The following NSD1 variants were observed in gnomAD, a reference collection of about 807,000 sequenced individuals.
The protein encoded by NSD1 is nuclear receptor binding SET domain protein 1.
In NSD1, 26 loss-of-function variants were observed where a neutral mutation model predicts 242.7. That is an observed-to-expected ratio of 0.11 (90% CI 0.08 to 0.15). NSD1 has a LOEUF of 0.15. Ranked by LOEUF, NSD1 falls within the 10% of genes least tolerant of loss-of-function variation. The pLI is 1.00. For missense variants in NSD1, 2,495 were observed against 3,272.8 expected, an observed-to-expected ratio of 0.76 and a Z score of 5.80; for synonymous variants, 1,106 against 1,178.1, an observed-to-expected ratio of 0.94 and a Z score of 1.25.
intron 3 of NSD1, among the ~76,000 whole-genome samples, chr5:177,199,706 TCTC>T (rs1762371922): frequency 6.6e-6 from 1 of 151,972 alleles, no homozygotes; most frequent in Non-Finnish European, 1.5e-5. Context: ...TTCAAGCAAT[TCTC>T]CTGCCTCAAC....
Position 177,210,188 on chromosome 5 carries a change from G to T in NSD1, c.1789G>T (p.Ala597Ser), listed in dbSNP as rs1763221161. 1 of 1,601,352 alleles carries T rather than the reference G, an allele frequency of 6.2e-7. No individual in the cohort carries two copies. The highest frequency in any genetic ancestry group is 8.5e-7 in the Non-Finnish European group (1 of 1,174,602). The part of the protein sequence containing the change: ...GDSLLGLPEG[A>S]LISKCSREKN... ...CTCTTTATTGGGCTTGCCTGAGGGT[G>T]CTTTGATCTCAAAGTGTTCTCGAGA... is the stretch of plus-strand genomic sequence containing the variant. Residue 597 changes from alanine to serine, a missense_variant, in exon 5 of 23, where the codon GCT (alanine) becomes TCT (serine). This residue lies in a region of NSD1 where 515 missense variants were observed against 467.0 expected (regional missense o/e 1.10). Transcript: ENST00000439151.
chr5:177,284,052 C>T (rs1035656360), intron 20 of NSD1, 124 bp downstream of exon 20: 1 of 1,244,938 alleles, frequency 8.0e-7, no homozygotes, highest in Admixed American at 1.7e-5. Flanking sequence ...GAATTAAGTT[C>T]ATTTACATTT....
rs975908313 is a variant in NSD1 at position 177,211,135 on chromosome 5, G to A, written c.2736G>A (p.Met912Ile). The A allele has an allele frequency of 6.2e-7, 1 of 1,614,188 alleles. No homozygotes were observed. The highest frequency in any genetic ancestry group is 2.2e-5 in the East Asian group (1 of 44,888). ...EPDYKFSTLL[M>I]MLKDMHDSKT... ...ACTACAAATTCAGTACATTGCTAATGATGTTGAAAGATATGCATGATAGTA... is the reference window on the plus strand; with the variant it reads ...ACTACAAATTCAGTACATTGCTAATAATGTTGAAAGATATGCATGATAGTA... Residue 912 changes from methionine to isoleucine, a missense_variant, in exon 5 of 23, where the codon ATG (methionine) becomes ATA (isoleucine). This residue lies in a region of NSD1 where 121 missense variants were observed against 167.2 expected (regional missense o/e 0.72). Coordinates refer to ENST00000439151, the MANE Select transcript of NSD1 (RefSeq NM_022455.5).
intron 5 of NSD1, among the ~76,000 whole-genome samples, chr5:177,232,841 AAGTC>A (rs1436196718): frequency 6.6e-6 from 1 of 152,242 alleles, no homozygotes; most frequent in African/African-American, 2.4e-5. Context: ...TGCAGAAAGT[AAGTC>A]AGGCTCTTGG....
intron 2 of NSD1, among the ~76,000 whole-genome samples, chr5:177,152,270 T>C (rs1002791376): frequency 1.3e-5 from 2 of 151,480 alleles, no homozygotes; most frequent in African/African-American, 2.4e-5. Flanking sequence ...CCTCCCAAAG[T>C]GTTGGGATTA....
chr5:177,231,010 T>A (rs1216672365), intron 5 of NSD1, among the ~76,000 whole-genome samples: 2 of 151,586 alleles, frequency 1.3e-5, no homozygotes, highest in African/African-American at 4.9e-5. Context: ...TCATGGGGAG[T>A]TTTGAGAGAC....
chr5:177,244,891 T>C (rs1766157418), intron 9 of NSD1, among the ~76,000 whole-genome samples: 1 of 152,194 alleles, frequency 6.6e-6, no homozygotes, highest in Non-Finnish European at 1.5e-5. Flanking sequence ...TCAATTTGCT[T>C]GTAAGATTTA....
intron 21 of NSD1, among the ~76,000 whole-genome samples, chr5:177,289,834 GT>G (rs377041363): frequency 0.05 from 7,162 of 143,336 alleles, 186 homozygotes; most frequent in South Asian, 0.084. Flanking sequence ...GTTGTTTTGT[GT>G]TTTTTTTTTT....
At chr5:177,193,338 T>A (rs1269455416) in intron 3 of NSD1, among the ~76,000 whole-genome samples, 1 of 152,074 alleles carries the variant, frequency 6.6e-6, no homozygotes, top group Non-Finnish European at 1.5e-5. Context: ...GAGACGGGAT[T>A]TCACCGTGTT....
chr5:177,219,435 T>G (rs1343102082), intron 5 of NSD1, among the ~76,000 whole-genome samples: 1 of 152,144 alleles, frequency 6.6e-6, no homozygotes, highest in Non-Finnish European at 1.5e-5. Flanking sequence ...TCCTCCTGTC[T>G]CCGCCTCCCA....
chr5:177,236,915 C>T (rs1765493630), intron 6 of NSD1, among the ~76,000 whole-genome samples: 1 of 152,234 alleles, frequency 6.6e-6, no homozygotes, highest in Non-Finnish European at 1.5e-5. Flanking sequence ...CGGTTCACTG[C>T]AGCCTTGACC....
intron 5 of NSD1, among the ~76,000 whole-genome samples, chr5:177,219,306 C>T (rs941606798): frequency 6.6e-6 from 1 of 151,968 alleles, no homozygotes; most frequent in Non-Finnish European, 1.5e-5. Flanking sequence ...CTGCCTCAGC[C>T]TCCCAAGTAG....
intron 3 of NSD1, among the ~76,000 whole-genome samples, chr5:177,201,894 C>T (rs1047658981): frequency 2.7e-5 from 4 of 150,344 alleles, no homozygotes; most frequent in East Asian, 2.0e-4. Context: ...CAGCCTGGCG[C>T]GGTGGCTCAC....
chr5:177,138,977 T>C (rs913068306), intron 2 of NSD1, among the ~76,000 whole-genome samples: 3 of 145,598 alleles, frequency 2.1e-5, no homozygotes, highest in Non-Finnish European at 4.5e-5. Flanking sequence ...AGGGTGGGCA[T>C]GGTGGCTCAC....
At chr5:177,178,051 C>A (rs891856949) in intron 2 of NSD1, among the ~76,000 whole-genome samples, 3 of 151,718 alleles carry the variant, frequency 2.0e-5, no homozygotes, top group Non-Finnish European at 1.5e-5. Context: ...TGCGCTGCCA[C>A]GCCTGGCTAA....
At chr5:177,167,843 G>A (rs1028563836) in intron 2 of NSD1, among the ~76,000 whole-genome samples, 2 of 152,162 alleles carry the variant, frequency 1.3e-5, no homozygotes, top group Non-Finnish European at 2.9e-5. Context: ...GGGTTAATCA[G>A]GATGTAACCC....
chr5:177,288,196 T>G (rs1759489632), intron 20 of NSD1, among the ~76,000 whole-genome samples: 2 of 152,268 alleles, frequency 1.3e-5, no homozygotes, highest in South Asian at 4.1e-4. Flanking sequence ...ACAGTTTGCC[T>G]GTTAATTTGA....
intron 14 of NSD1, among the ~76,000 whole-genome samples, chr5:177,263,479 A>C (rs1045684349): frequency 6.6e-6 from 1 of 152,244 alleles, no homozygotes; most frequent in Non-Finnish European, 1.5e-5. Context: ...GTAAGCAGTC[A>C]TCGTGTTCTG....
chr5:177,229,494 T>C lies in NSD1; in HGVS notation c.3797-6327T>C, dbSNP rs558033479. On this transcript the variant is annotated intron_variant, in intron 5 of 22. Coordinates refer to ENST00000439151, the MANE Select transcript of NSD1 (RefSeq NM_022455.5). ...ATTGACTTGTGCAGTTTTATGGATT[T>C]TGATATTTTCTTCCAGTATCCAAAA... Among the ~76,000 whole-genome samples, 3 of 152,342 alleles carry C rather than the reference T, an allele frequency of 2.0e-5. No homozygotes were observed. The East Asian group carries it at 5.8e-4, about 29-fold the overall frequency.
Sources: allele counts gnomAD v4.1 joint callset (sites outside exome capture counted in the v4.1 genomes callset), GRCh38; gene constraint gnomAD v4.1.1; regional missense constraint gnomAD v4.1.1; transcripts MANE v1.5; gene names NCBI Gene and HGNC (gene_info 2026-07-23, HGNC 2026-07-21).